The following EIF4G3 variants were observed in gnomAD, a reference collection of about 807,000 sequenced individuals.
EIF4G3 encodes eukaryotic translation initiation factor 4 gamma 3.
A neutral mutation model predicts 186.4 loss-of-function variants in EIF4G3; 34 were observed. The observed-to-expected ratio is 0.18, with a 90% confidence interval of 0.14 to 0.24. The LOEUF is 0.24. Ranked by LOEUF, EIF4G3 falls within the 10% of genes least tolerant of loss-of-function variation. The probability of loss-of-function intolerance (pLI) is 1.00; values close to 1 mark genes in which losing one functional copy is unlikely to be tolerated. For missense variants in EIF4G3, 1,536 were observed against 1,948.5 expected (o/e 0.79, Z 3.99); for synonymous variants, 673 against 679.5 (o/e 0.99, Z 0.15).
intron 25 of EIF4G3, among the ~76,000 whole-genome samples, chr1:20,855,985 T>C (rs1302028880): frequency 3.3e-5 from 5 of 152,238 alleles, no homozygotes; most frequent in Non-Finnish European, 4.4e-5. Flanking sequence ...AATACAAATG[T>C]TGTTATTAAA....
intron 3 of EIF4G3, among the ~76,000 whole-genome samples, chr1:21,080,188 G>A (rs1012655717): frequency 1.3e-5 from 2 of 151,636 alleles, no homozygotes; most frequent in African/African-American, 4.8e-5. Context: ...GGTGATGCAT[G>A]CCTGTAGTCC....
intron 22 of EIF4G3, among the ~76,000 whole-genome samples, chr1:20,863,099 A>G (rs924314692): frequency 5.3e-5 from 8 of 151,910 alleles, no homozygotes; most frequent in Non-Finnish European, 8.8e-5. Context: ...ATATGGTAGA[A>G]TTTTTAGTTG....
chr1:21,173,769 T>C (rs1008910763), intron 2 of EIF4G3, among the ~76,000 whole-genome samples: 1 of 152,222 alleles, frequency 6.6e-6, no homozygotes, highest in Non-Finnish European at 1.5e-5. Flanking sequence ...GGTCTGGAGA[T>C]CTATTCAAGC....
chr1:21,174,977 T>C (rs966242215), intron 2 of EIF4G3: 3 of 152,176 alleles, frequency 2.0e-5, no homozygotes, highest in African/African-American at 7.2e-5. Flanking sequence ...CTCAAAGTAA[T>C]CTATACAGAC....
chr1:21,058,153 C>G (rs1040805160), intron 3 of EIF4G3, among the ~76,000 whole-genome samples: 1 of 152,078 alleles, frequency 6.6e-6, no homozygotes, highest in Admixed American at 6.5e-5. Context: ...CATGATCATT[C>G]TTACATGACT....
intron 33 of EIF4G3, among the ~76,000 whole-genome samples, chr1:20,818,293 G>C (rs1475781382): frequency 2.0e-5 from 3 of 152,230 alleles, no homozygotes; most frequent in Admixed American, 6.5e-5. Context: ...TCGAATATAG[G>C]TGTGAGAAAT....
intron 33 of EIF4G3, among the ~76,000 whole-genome samples, chr1:20,819,771 G>T (rs1180934693): frequency 1.3e-5 from 2 of 152,000 alleles, no homozygotes; most frequent in Non-Finnish European, 2.9e-5. Context: ...AATCTGTAAA[G>T]CAAACCCCCA....
At chr1:20,961,575 C>G (rs2096570668) in intron 12 of EIF4G3, among the ~76,000 whole-genome samples, 1 of 152,172 alleles carries the variant, frequency 6.6e-6, no homozygotes, top group Admixed American at 6.5e-5. Flanking sequence ...AGTCACCTTA[C>G]TGATCTACCA....
intron 8 of EIF4G3, among the ~76,000 whole-genome samples, chr1:20,981,645 A>G (rs1200011286): frequency 7.7e-6 from 1 of 129,594 alleles, no homozygotes; most frequent in African/African-American, 2.9e-5. Context: ...CACATACTGT[A>G]TGTATACATA....
chr1:20,969,384 A>G (rs1350737483), intron 12 of EIF4G3, 90 bp downstream of exon 12: 4 of 1,454,216 alleles, frequency 2.8e-6, no homozygotes, highest in South Asian at 1.3e-5. Flanking sequence ...ATGGAAATGA[A>G]AAGTACAGAA....
chr1:20,858,994 C>CA (rs1384830931), intron 24 of EIF4G3, among the ~76,000 whole-genome samples: 7 of 150,498 alleles, frequency 4.7e-5, no homozygotes, highest in Admixed American at 1.3e-4. Context: ...AGACTCATCT[C>CA]AAAAAAAAAT....
At chr1:20,903,920 T>C (rs2091275309) in intron 15 of EIF4G3, among the ~76,000 whole-genome samples, 2 of 152,182 alleles carry the variant, frequency 1.3e-5, no homozygotes, top group African/African-American at 4.8e-5. Flanking sequence ...GCTAAAAGAA[T>C]AGTCAAAAAA....
At position 21,176,315 on chromosome 1, in the gene EIF4G3, CGCCGCTCCGGT is replaced by C; in HGVS notation, c.-423_-413del. On this transcript the variant is annotated 5_prime_UTR_variant, in exon 2 of 37. Transcript: ENST00000602326. The stretch of plus-strand genomic sequence containing the variant: ...GCGGTACCGCTGCTGCCGCCGCCGC[CGCCGCTCCGGT>C]GCCGGGTCCGGTTCCTGCTGCAGTC... 3.7e-6 allele frequency: 1 copy of C among 269,336 alleles called. No individual in the cohort carries two copies. Among genetic ancestry groups the C allele is most frequent in the Non-Finnish European group, 6.7e-6 (1 of 148,828 alleles). The allele number at this position is 269,336 out of a possible 1,614,324, so 16.7% of individuals were successfully genotyped here.
At chr1:20,978,150 C>G (rs953335258) in intron 10 of EIF4G3, among the ~76,000 whole-genome samples, 12 of 152,058 alleles carry the variant, frequency 7.9e-5, no homozygotes, top group African/African-American at 2.7e-4. Flanking sequence ...AAAATAATTA[C>G]TTGGATTTAA....
chr1:21,103,848 C>CA (rs1367267607), intron 2 of EIF4G3, among the ~76,000 whole-genome samples: 64 of 150,012 alleles, frequency 4.3e-4, no homozygotes, highest in African/African-American at 1.3e-3. Flanking sequence ...TGTCTCAGAA[C>CA]AAAAAAAAAC....
intron 20 of EIF4G3, among the ~76,000 whole-genome samples, chr1:20,870,654 TA>T (rs1261663968): frequency 1.3e-5 from 2 of 152,216 alleles, no homozygotes; most frequent in African/African-American, 2.4e-5. Flanking sequence ...AAAGTTTCAA[TA>T]ATCCAATTTA....
At chr1:21,053,380 C>A (rs2094372653) in intron 3 of EIF4G3, among the ~76,000 whole-genome samples, 2 of 148,902 alleles carry the variant, frequency 1.3e-5, no homozygotes. Flanking sequence ...GGGGGTCAGC[C>A]CCCCGCCCGG....
chr1:21,087,939 A>T (rs1245758937), intron 3 of EIF4G3, among the ~76,000 whole-genome samples: 2 of 151,478 alleles, frequency 1.3e-5, no homozygotes, highest in Non-Finnish European at 2.9e-5. Context: ...AGCCAAAAAA[A>T]TTTTTTAATT....
rs537231697 is a variant in EIF4G3, at chr1:21,172,499, C to T, written c.-272+3676G>A. Among the ~76,000 whole-genome samples the T allele has an allele frequency of 2.0e-5, 3 of 152,126 alleles. No homozygotes were observed. The South Asian group carries it at 6.2e-4, about 31-fold the overall frequency. On this transcript the variant is annotated intron_variant, in intron 2 of 36. Coordinates refer to ENST00000602326, the MANE Select transcript of EIF4G3 (RefSeq NM_001391906.1). Reference sequence around the variant, plus strand: ...CTGAATTAATGAATTCATAAACTTGCCACATCTATTGAAGCCTCAATATAA... The same window carrying T: ...CTGAATTAATGAATTCATAAACTTGTCACATCTATTGAAGCCTCAATATAA...
Sources: gnomAD v4.1 joint callset for allele counts (sites outside exome capture counted in the v4.1 genomes callset) on GRCh38, gnomAD v4.1.1 for gene constraint, MANE v1.5 for transcripts, NCBI Gene and HGNC (gene_info 2026-07-23, HGNC 2026-07-21) for gene names.